Variants in PLCB1 observed in about 807,000 individuals in gnomAD.
PLCB1 encodes phospholipase C beta 1.
A neutral mutation model predicts 161.8 loss-of-function variants in PLCB1; 46 were observed. That is an observed-to-expected ratio of 0.28 (90% CI 0.22 to 0.36). The LOEUF (loss-of-function observed/expected upper bound fraction) is 0.36, where lower values mean the gene tolerates loss of function less well. Ranked by LOEUF, PLCB1 falls within the 10% of genes least tolerant of loss-of-function variation. The probability of loss-of-function intolerance (pLI) is 1.00; values close to 1 mark genes in which losing one functional copy is unlikely to be tolerated. For synonymous variants in PLCB1, 517 were observed against 503.7 expected (o/e 1.03, Z -0.35); for missense variants, 1,016 against 1,472.5 (o/e 0.69, Z 5.07).
chr20:8,827,331 A>C (rs944196712), intron 31 of PLCB1, among the ~76,000 whole-genome samples: 11 of 152,200 alleles, frequency 7.2e-5, no homozygotes, highest in Non-Finnish European at 1.3e-4. Context: ...TTCGCGATGT[A>C]ATATATAAAA....
chr20:8,374,465 G>A (rs1987008566), intron 3 of PLCB1, among the ~76,000 whole-genome samples: 1 of 152,168 alleles, frequency 6.6e-6, no homozygotes, highest in South Asian at 2.1e-4. Context: ...TCCATCTTCA[G>A]GTTCCCCTTG....
intron 3 of PLCB1, among the ~76,000 whole-genome samples, chr20:8,584,459 AAC>A (rs1389049820): frequency 7.3e-6 from 1 of 136,248 alleles, no homozygotes; most frequent in African/African-American, 2.9e-5. Flanking sequence ...AATTTACACA[AAC>A]ACACACACAT....
At chr20:8,407,772 G>A (rs761712135) in intron 3 of PLCB1, among the ~76,000 whole-genome samples, 32 of 151,966 alleles carry the variant, frequency 2.1e-4, no homozygotes, top group Non-Finnish European at 3.8e-4. Context: ...TCATGTTGCT[G>A]GTTTGTAACC....
intron 2 of PLCB1, among the ~76,000 whole-genome samples, chr20:8,199,116 T>C (rs1304235638): frequency 3.9e-5 from 6 of 152,146 alleles, no homozygotes; most frequent in African/African-American, 9.7e-5. Context: ...GTATACTTGC[T>C]TTTAATAATA....
chr20:8,617,484 C>T (rs1232328105), intron 3 of PLCB1, among the ~76,000 whole-genome samples: 3 of 151,928 alleles, frequency 2.0e-5, no homozygotes, highest in African/African-American at 7.2e-5. Flanking sequence ...ATCAGGGTGG[C>T]TTGAAATTGG....
chr20:8,541,605 A>AAAGAAAGAAAGAAAGAAAGGAAGG (rs796318352), intron 3 of PLCB1, among the ~76,000 whole-genome samples: 2 of 149,876 alleles, frequency 1.3e-5, no homozygotes, highest in African/African-American at 2.5e-5. Context: ...AGAAAGAAAG[A>AAAGAAAGAAAGAAAGAAAGGAAGG]AAGGAAGGAA....
In PLCB1 at chr20:8,134,423, T is replaced by A. The variant is rs1425931560; in HGVS notation, c.99+1673T>A. On this transcript the variant is annotated intron_variant, in intron 1 of 31. Coordinates refer to ENST00000338037, the MANE Select transcript of PLCB1 (RefSeq NM_015192.4). ...TGTATACAGTGATGATTCTAAACTG[T>A]ATTTTAAATAATTCTCTATAATTTC... Among the ~76,000 whole-genome samples the A allele has an allele frequency of 2.0e-5, 3 of 152,262 alleles. No individual in the cohort carries two copies. The East Asian group carries it at 5.8e-4, about 29-fold the overall frequency.
At chr20:8,719,098 A>T (rs1432787118) in intron 14 of PLCB1, among the ~76,000 whole-genome samples, 1 of 152,202 alleles carries the variant, frequency 6.6e-6, no homozygotes, top group Non-Finnish European at 1.5e-5. Flanking sequence ...TTTATCTTCC[A>T]AGTTCAGTCA....
intron 31 of PLCB1, among the ~76,000 whole-genome samples, chr20:8,798,727 A>G (rs1984149971): frequency 6.6e-6 from 1 of 152,164 alleles, no homozygotes; most frequent in African/African-American, 2.4e-5. Context: ...GTATTACACA[A>G]TGACTGCTGA....
At position 8,724,178 on chromosome 20, in the gene PLCB1, T is replaced by TATA. The variant is rs1555786031; in HGVS notation, c.1582-477_1582-476insTAA. Among the ~76,000 whole-genome samples the TATA allele has an allele frequency of 1.6e-4, 24 of 147,866 alleles. 1 individual carries two copies. The highest frequency in any genetic ancestry group is 2.8e-4 in the Non-Finnish European group (19 of 67,186). ...CCCCAGTGACATAAGTTTATTTATATAAAAAAAAAAACCTGCACGTGTAGC... is the reference window on the plus strand; with the variant it reads ...CCCCAGTGACATAAGTTTATTTATATATAAAAAAAAAAAACCTGCACGTGTAGC... On this transcript the variant is annotated intron_variant, in intron 15 of 31. Transcript: ENST00000338037.
intron 2 of PLCB1, among the ~76,000 whole-genome samples, chr20:8,234,696 T>C (rs1041241240): frequency 3.3e-5 from 5 of 152,156 alleles, no homozygotes; most frequent in African/African-American, 1.2e-4. Flanking sequence ...CTCTATTGTC[T>C]TTGCTTTGAC....
chr20:8,701,591 G>A (rs2123436793), intron 11 of PLCB1, among the ~76,000 whole-genome samples: 1 of 152,212 alleles, frequency 6.6e-6, no homozygotes, highest in African/African-American at 2.4e-5. Flanking sequence ...TGCCTAATTT[G>A]CTTAATTCCT....
At chr20:8,563,491 A>G (rs1333171313) in intron 3 of PLCB1, among the ~76,000 whole-genome samples, 1 of 151,972 alleles carries the variant, frequency 6.6e-6, no homozygotes, top group Non-Finnish European at 1.5e-5. Context: ...GGTTCAGAGA[A>G]GTTTGTCTCC....
At position 8,387,977 on chromosome 20, in the gene PLCB1, TAAAAAAAAAAA is replaced by T. The variant is rs1555802977; in HGVS notation, c.246+16537_246+16547del. Reference sequence around the variant, plus strand: ...ATTATGTATGTTTTACCACTTTTTTTAAAAAAAAAAAAAAAAAAAAGAAGAAACTGAGAAGG... The same window carrying T: ...ATTATGTATGTTTTACCACTTTTTTTAAAAAAAAAGAAGAAACTGAGAAGG... On this transcript the variant is annotated intron_variant, in intron 3 of 31. Transcript: ENST00000338037. Among the ~76,000 whole-genome samples, 7 of 126,800 alleles carry T rather than the reference TAAAAAAAAAAA, an allele frequency of 5.5e-5. No homozygotes were observed. In the East Asian group the frequency reaches 1.3e-3, roughly 24 times the overall value. 83.2% of individuals were successfully genotyped at this position (126,800 alleles called of 152,430 possible).
At chr20:8,762,634 A>G (rs935103367) in intron 25 of PLCB1, among the ~76,000 whole-genome samples, 1 of 152,196 alleles carries the variant, frequency 6.6e-6, no homozygotes, top group Non-Finnish European at 1.5e-5. Context: ...TTCTTAATGT[A>G]ATAATTTATT....
intron 23 of PLCB1, among the ~76,000 whole-genome samples, chr20:8,742,916 C>T (rs1263449270): frequency 1.3e-5 from 2 of 152,188 alleles, no homozygotes; most frequent in Admixed American, 6.5e-5. Flanking sequence ...AATCCTGCAA[C>T]TTTACTGAAT....
At chr20:8,831,047 A>T (rs574349210) in intron 31 of PLCB1, 1 of 152,294 alleles carries the variant, frequency 6.6e-6, no homozygotes, top group South Asian at 2.1e-4. Flanking sequence ...TTAACTGGTG[A>T]TCCTTCTTCC....
At chr20:8,152,118 T>C (rs1318513426) in intron 2 of PLCB1, among the ~76,000 whole-genome samples, 1 of 152,148 alleles carries the variant, frequency 6.6e-6, no homozygotes, top group Non-Finnish European at 1.5e-5. Flanking sequence ...TTTTATCATG[T>C]TATTGCTTTT....
chr20:8,806,438 T>C (rs1304484378), intron 31 of PLCB1, among the ~76,000 whole-genome samples: 1 of 152,096 alleles, frequency 6.6e-6, no homozygotes, highest in Non-Finnish European at 1.5e-5. Flanking sequence ...TCACCCACTC[T>C]CACCTCCTTC....
Sources: allele counts gnomAD v4.1 joint callset (sites outside exome capture counted in the v4.1 genomes callset), GRCh38; gene constraint gnomAD v4.1.1; transcripts MANE v1.5; gene names NCBI Gene and HGNC (gene_info 2026-07-23, HGNC 2026-07-21).